The following XKR4 variants were observed in gnomAD, a reference collection of about 807,000 sequenced individuals.
The protein encoded by XKR4 is XK related 4.
Under a neutral mutation model 53.9 loss-of-function variants are expected in XKR4, and 12 were observed. The observed-to-expected ratio is 0.22, with a 90% confidence interval of 0.14 to 0.36. The LOEUF is 0.36. XKR4 is among the 10% of genes least tolerant of loss of function. The pLI, the probability that XKR4 is intolerant of heterozygous loss-of-function variation, is 1.00. For synonymous variants in XKR4, 354 were observed against 362.4 expected, an observed-to-expected ratio of 0.98 and a Z score of 0.26; for missense variants, 799 against 859.5, an observed-to-expected ratio of 0.93 and a Z score of 0.88.
Position 55,118,989 on chromosome 8 carries a change from G to A in XKR4, c.806+15695G>A, listed in dbSNP as rs1183263660. Among the ~76,000 whole-genome samples, 7 of 152,014 alleles carry A rather than the reference G, an allele frequency of 4.6e-5. 1 individual carries two copies. The highest frequency in any genetic ancestry group is 1.0e-4 in the Non-Finnish European group (7 of 68,004). On this transcript the variant is annotated intron_variant, in intron 1 of 2. Transcript: ENST00000327381. ...TTCTTCCATATATACATGTGATCAT[G>A]TAGTTATATAGGTTAGGATGTGTGG...
chr8:55,350,649 A>G (rs1314712589), intron 1 of XKR4, among the ~76,000 whole-genome samples: 5 of 152,128 alleles, frequency 3.3e-5, no homozygotes, highest in Non-Finnish European at 5.9e-5. Context: ...GAGAGAAAGT[A>G]GAATGGTAGT....
chr8:55,206,783 G>C (rs1276543236), intron 1 of XKR4, among the ~76,000 whole-genome samples: 1 of 151,928 alleles, frequency 6.6e-6, no homozygotes, highest in Non-Finnish European at 1.5e-5. Flanking sequence ...TTTTTTCGTG[G>C]TCAGGAGTAA....
chr8:55,144,991 C>T (rs577492757), intron 1 of XKR4, among the ~76,000 whole-genome samples: 1 of 151,964 alleles, frequency 6.6e-6, no homozygotes, highest in Non-Finnish European at 1.5e-5. Flanking sequence ...GCCACCATGC[C>T]CGACTGATTT....
intron 1 of XKR4, among the ~76,000 whole-genome samples, chr8:55,202,184 G>A (rs1371846091): frequency 6.6e-6 from 1 of 152,170 alleles, no homozygotes; most frequent in African/African-American, 2.4e-5. Context: ...GCTTGGACCT[G>A]CCTTTTAAAA....
chr8:55,448,744 G>A (rs1209573467), intron 2 of XKR4, among the ~76,000 whole-genome samples: 4 of 152,216 alleles, frequency 2.6e-5, no homozygotes, highest in Non-Finnish European at 5.9e-5. Flanking sequence ...CAACCTGGTA[G>A]GCTGAAGCTT....
intron 1 of XKR4, among the ~76,000 whole-genome samples, chr8:55,145,463 G>A (rs1363740138): frequency 1.3e-5 from 2 of 151,788 alleles, no homozygotes; most frequent in Admixed American, 1.3e-4. Flanking sequence ...TAAGAGGATT[G>A]CAATGTTTTA....
At chr8:55,198,451 A>G (rs1354295665) in intron 1 of XKR4, among the ~76,000 whole-genome samples, 1 of 152,036 alleles carries the variant, frequency 6.6e-6, no homozygotes, top group Non-Finnish European at 1.5e-5. Context: ...AAGTCAAGAA[A>G]AGTTATAAAT....
intron 1 of XKR4, among the ~76,000 whole-genome samples, chr8:55,322,401 T>C (rs549404891): frequency 5.9e-5 from 9 of 152,350 alleles, no homozygotes; most frequent in African/African-American, 2.2e-4. Flanking sequence ...AATTTTCCTG[T>C]TTCAAGTCAT....
intron 1 of XKR4, among the ~76,000 whole-genome samples, chr8:55,157,986 A>T (rs1816932688): frequency 6.6e-6 from 1 of 152,206 alleles, no homozygotes; most frequent in Non-Finnish European, 1.5e-5. Flanking sequence ...ATACGTGTGC[A>T]TGTGTCTTTA....
At chr8:55,449,209 A>G (rs1367396417) in intron 2 of XKR4, among the ~76,000 whole-genome samples, 1 of 151,922 alleles carries the variant, frequency 6.6e-6, no homozygotes, top group Non-Finnish European at 1.5e-5. Context: ...CTCTCTTTAT[A>G]TAGACTCTGG....
rs188490623 is a variant in XKR4 at position 55,354,812 on chromosome 8, A to G, written c.807-2866A>G. On this transcript the variant is annotated intron_variant, in intron 1 of 2. Transcript: ENST00000327381. ...AATTGTAAAAGCTATGAAGAACAAT[A>G]TAAATCAGAATTAGAAAAATTCATA... Among the ~76,000 whole-genome samples, 272 of 152,262 alleles carry G rather than the reference A, an allele frequency of 1.8e-3. 2 individuals are homozygous for G. Among genetic ancestry groups the G allele is most frequent in the African/African-American group, 6.2e-3 (258 of 41,560 alleles).
At chr8:55,287,881 C>T (rs1412984732) in intron 1 of XKR4, among the ~76,000 whole-genome samples, 3 of 152,162 alleles carry the variant, frequency 2.0e-5, no homozygotes, top group African/African-American at 7.2e-5. Flanking sequence ...CCCTAGTTAG[C>T]AGGAATAAAG....
intron 1 of XKR4, among the ~76,000 whole-genome samples, chr8:55,347,669 G>A (rs1803668120): frequency 6.6e-6 from 1 of 152,218 alleles, no homozygotes. Context: ...AGAACACATT[G>A]ACATTTCAGA....
chr8:55,451,024 C>T, intron 2 of XKR4: 1 of 551,434 alleles, frequency 1.8e-6, no homozygotes, highest in Non-Finnish European at 3.4e-6. Context: ...CTAGCCTTCA[C>T]CTGCCGCGCC....
intron 1 of XKR4, chr8:55,135,303 T>G (rs1816610033): frequency 5.4e-6 from 1 of 186,262 alleles, no homozygotes. Flanking sequence ...AAATCAATTG[T>G]GATGCACAGT....
intron 2 of XKR4, chr8:55,454,046 AG>A: frequency 1.1e-6 from 1 of 870,184 alleles, no homozygotes; most frequent in East Asian, 2.7e-5. Context: ...ATAGCCCTGC[AG>A]CAGCTGATGG....
At chr8:55,151,327 G>C (rs1339008945) in intron 1 of XKR4, among the ~76,000 whole-genome samples, 2 of 152,160 alleles carry the variant, frequency 1.3e-5, no homozygotes, top group Non-Finnish European at 2.9e-5. Flanking sequence ...AGAAGCTGAG[G>C]CTATGGGAAA....
chr8:55,252,692 G>A (rs1818377697), intron 1 of XKR4, among the ~76,000 whole-genome samples: 1 of 152,190 alleles, frequency 6.6e-6, no homozygotes, highest in African/African-American at 2.4e-5. Context: ...TGTAAATGAG[G>A]ACATGCATTG....
intron 2 of XKR4, among the ~76,000 whole-genome samples, chr8:55,422,919 A>C (rs1804956483): frequency 6.6e-6 from 1 of 152,198 alleles, no homozygotes; most frequent in Non-Finnish European, 1.5e-5. Flanking sequence ...TGTCTCTGTG[A>C]CATCAATACA....
Sources: allele counts gnomAD v4.1 joint callset (sites outside exome capture counted in the v4.1 genomes callset), GRCh38; gene constraint gnomAD v4.1.1; transcripts MANE v1.5; gene names NCBI Gene and HGNC (gene_info 2026-07-23, HGNC 2026-07-21).